The following KIRREL3 variants were observed in gnomAD, a reference collection of about 807,000 sequenced individuals.
KIRREL3 encodes the protein kin of IRRE-like protein 3.
A neutral mutation model predicts 89.7 loss-of-function variants in KIRREL3; 36 were observed. That is an observed-to-expected ratio of 0.40 (90% CI 0.31 to 0.53). The LOEUF is 0.53. Among genes scored for constraint, KIRREL3 ranks in the 20% least tolerant of loss-of-function variants. KIRREL3 has a pLI of 0.49. For missense variants in KIRREL3, 864 were observed against 1,056.6 expected (o/e 0.82, Z 2.53); for synonymous variants, 445 against 441.4 (o/e 1.01, Z -0.10).
rs767674597 is a variant in KIRREL3 at position 126,521,384 on chromosome 11, C to T, written c.364G>A (p.Asp122Asn). The T allele has an allele frequency of 5.1e-6, 8 of 1,563,872 alleles. No homozygotes were observed. Among genetic ancestry groups the T allele is most frequent in the Admixed American group, 1.9e-5 (1 of 52,468 alleles). ...ATGGCCTGGCACTCGTACACCGCAT[C>T]GTCTTGCAGCTCTGCCCTCAGGATC... ...LKILRAELQD[D>N]AVYECQAIQA... Residue 122 changes from aspartate to asparagine, a missense_variant, in exon 4 of 17, where the codon GAT becomes AAT. Coordinates refer to ENST00000525144, the MANE Select transcript of KIRREL3 (RefSeq NM_032531.4). This position sits in a 1 kb window ranked among gnomAD's most constrained non-coding sequence, Gnocchi z 4.1.
At chr11:126,631,127 T>G (rs78333647) in intron 1 of KIRREL3, among the ~76,000 whole-genome samples, 2,454 of 22,702 alleles carry the variant, frequency 0.11, 34 homozygotes, top group East Asian at 0.3. Flanking sequence ...ATGTATGTAT[T>G]CATTCATTCA....
chr11:126,744,331 G>T lies in KIRREL3; in HGVS notation c.56-181419C>A, dbSNP rs1949074042. On this transcript the variant is annotated intron_variant, in intron 1 of 16. Transcript: ENST00000525144. This position sits in a 1 kb window ranked among gnomAD's most constrained non-coding sequence, Gnocchi z 4.7. ...GCAGGGGAGCAGCCTTTTCTGGGAG[G>T]TTCACCCGCAGGAGGTGTGCTGACC... Among the ~76,000 whole-genome samples, 1 of 152,044 alleles carries T rather than the reference G, an allele frequency of 6.6e-6. No homozygotes were observed. Among genetic ancestry groups the T allele is most frequent in the Non-Finnish European group, 1.5e-5 (1 of 68,014 alleles).
intron 1 of KIRREL3, among the ~76,000 whole-genome samples, chr11:126,861,389 ACT>A (rs1944699849): frequency 6.6e-6 from 1 of 151,878 alleles, no homozygotes; most frequent in African/African-American, 2.4e-5. Flanking sequence ...AGACTCAGCT[ACT>A]CTCTTAGAAG....
In KIRREL3 at chr11:126,694,949, T is replaced by A. The variant is rs1947028502; in HGVS notation, c.56-132037A>T. ...TCACTCCTTTGCTTTGATTGGGAGA[T>A]GAGATGCGAGTCTCAATGCCTAGAA... On this transcript the variant is annotated intron_variant, in intron 1 of 16. Coordinates refer to ENST00000525144, the MANE Select transcript of KIRREL3 (RefSeq NM_032531.4). This position sits in a 1 kb window ranked among gnomAD's most constrained non-coding sequence, Gnocchi z 4.4. Among the ~76,000 whole-genome samples the A allele has an allele frequency of 2.0e-5, 3 of 152,188 alleles. No individual in the cohort carries two copies. Among genetic ancestry groups the A allele is most frequent in the Non-Finnish European group, 2.9e-5 (2 of 68,018 alleles).
At position 126,734,338 on chromosome 11, in the gene KIRREL3, CCT is replaced by C. The variant is rs1435290247; in HGVS notation, c.56-171428_56-171427del. Among the ~76,000 whole-genome samples the C allele has an allele frequency of 2.0e-5, 3 of 152,114 alleles. No homozygotes were observed. Among genetic ancestry groups the C allele is most frequent in the African/African-American group, 4.8e-5 (2 of 41,430 alleles). On this transcript the variant is annotated intron_variant, in intron 1 of 16. Transcript: ENST00000525144. The surrounding 1 kb of genome is among the most constrained non-coding windows in gnomAD (Gnocchi z 5.9). ...TTCATGATCTGCTTCAAGATTTCCC[CCT>C]CTGTTTTTTCAGTGATCCATTTGTT...
chr11:126,947,927 G>A (rs1013294439), intron 1 of KIRREL3, among the ~76,000 whole-genome samples: 2 of 152,178 alleles, frequency 1.3e-5, no homozygotes, highest in African/African-American at 4.8e-5. Flanking sequence ...TGCTGGAATG[G>A]GAGGTGAACT....
At chr11:126,660,948 T>TCATCTGGGCC (rs1945373000) in intron 1 of KIRREL3, among the ~76,000 whole-genome samples, 1 of 152,040 alleles carries the variant, frequency 6.6e-6, no homozygotes, top group South Asian at 2.1e-4. Context: ...AATGGGGAGA[T>TCATCTGGGCC]CATCTGAGGC....
In KIRREL3 at chr11:126,571,745, C is replaced by G. The variant is rs1245783194; in HGVS notation, c.56-8833G>C. ...AGATTCTTTGGACTTCCAGTATAAT[C>G]CGTTTGTGAGAGGGGTGGGGCGGGG... On this transcript the variant is annotated intron_variant, in intron 1 of 16. Transcript: ENST00000525144. This position sits in a 1 kb window ranked among gnomAD's most constrained non-coding sequence, Gnocchi z 7.7. 1.3e-5 allele frequency among the ~76,000 whole-genome samples: 2 copies of G among 151,970 alleles called. No homozygotes were observed. Among genetic ancestry groups the G allele is most frequent in the Non-Finnish European group, 2.9e-5 (2 of 67,998 alleles).
At position 126,912,210 on chromosome 11, in the gene KIRREL3, A is replaced by T. The variant is rs1049194273; in HGVS notation, c.55+88245T>A. 4.6e-5 allele frequency among the ~76,000 whole-genome samples: 7 copies of T among 152,080 alleles called. No homozygotes were observed. The highest frequency in any genetic ancestry group is 1.7e-4 in the African/African-American group (7 of 41,418). On this transcript the variant is annotated intron_variant, in intron 1 of 16. Coordinates refer to ENST00000525144, the MANE Select transcript of KIRREL3 (RefSeq NM_032531.4). The surrounding 1 kb of genome is among the most constrained non-coding windows in gnomAD (Gnocchi z 4.7). ...ACAAAGTGGAATGAAAGCACAAGCC[A>T]TCAATAGCATGGTCATCTCCCTGGA...
intron 1 of KIRREL3, among the ~76,000 whole-genome samples, chr11:126,716,755 G>GGT (rs201997584): frequency 0.053 from 7,767 of 146,602 alleles, 344 homozygotes; most frequent in African/African-American, 0.092. Context: ...TGTTGGGGGG[G>GGT]GGGGGAAGTG....
rs1949026521 is a variant in KIRREL3, at chr11:126,742,889, A to G, written c.56-179977T>C. ...AAGATTCTGAAGATGATGGATCTGC[A>G]TTAAGCAAAACCCAATAACCAGGCA... On this transcript the variant is annotated intron_variant, in intron 1 of 16. Coordinates refer to ENST00000525144, the MANE Select transcript of KIRREL3 (RefSeq NM_032531.4). The surrounding 1 kb of genome is among the most constrained non-coding windows in gnomAD (Gnocchi z 5.3). Among the ~76,000 whole-genome samples the G allele has an allele frequency of 6.6e-6, 1 of 152,204 alleles. No individual in the cohort carries two copies. The highest frequency in any genetic ancestry group is 2.4e-5 in the African/African-American group (1 of 41,466).
intron 1 of KIRREL3, among the ~76,000 whole-genome samples, chr11:126,842,096 A>C (rs6590231): frequency 0.85 from 129,067 of 151,986 alleles, 55,004 homozygotes; most frequent in East Asian, 1. Context: ...GAGAGAAGAG[A>C]GCGCTTTCAG....
rs555934640 is a variant in KIRREL3 at position 126,719,157 on chromosome 11, C to T, written c.56-156245G>A. 2.6e-5 allele frequency among the ~76,000 whole-genome samples: 4 copies of T among 152,272 alleles called. No individual in the cohort carries two copies. Among genetic ancestry groups the T allele is most frequent in the South Asian group, 2.1e-4 (1 of 4,822 alleles). ...TAGACAAACGCATTTCCCTTCATTC[C>T]GACACTCGGTAACCCACTTATTCTG... On this transcript the variant is annotated intron_variant, in intron 1 of 16. Coordinates refer to ENST00000525144, the MANE Select transcript of KIRREL3 (RefSeq NM_032531.4). The surrounding 1 kb of genome is among the most constrained non-coding windows in gnomAD (Gnocchi z 4.7).
At chr11:126,482,328 C>T (rs761538825) in intron 4 of KIRREL3, among the ~76,000 whole-genome samples, 2 of 152,190 alleles carry the variant, frequency 1.3e-5, no homozygotes, top group South Asian at 2.1e-4. Context: ...CATGAACCAC[C>T]GTGCCGGGCC....
intron 4 of KIRREL3, among the ~76,000 whole-genome samples, chr11:126,504,651 T>A (rs1435762728): frequency 6.6e-6 from 1 of 152,194 alleles, no homozygotes; most frequent in Non-Finnish European, 1.5e-5. Context: ...ACTTCCCTAC[T>A]CATCCTACAA....
chr11:127,002,031 C>T (rs568145280), upstream of KIRREL3, among the ~76,000 whole-genome samples: 1 of 152,284 alleles, frequency 6.6e-6, no homozygotes, highest in South Asian at 2.1e-4. Context: ...AACTCTTAGC[C>T]TTTCCTCTTT....
rs776356242 is a variant in KIRREL3, at chr11:126,879,288, G to A, written c.55+121167C>T. 3.9e-5 allele frequency among the ~76,000 whole-genome samples: 6 copies of A among 152,202 alleles called. No individual in the cohort carries two copies. Among genetic ancestry groups the A allele is most frequent in the Non-Finnish European group, 4.4e-5 (3 of 68,028 alleles). ...TGTGTTTATTTAGACTAGTGCTGAG[G>A]CTGAGTTAATGCCAGTTTCCAGAAA... On this transcript the variant is annotated intron_variant, in intron 1 of 16. Transcript: ENST00000525144. The surrounding 1 kb of genome is among the most constrained non-coding windows in gnomAD (Gnocchi z 5.4).
At position 126,431,230 on chromosome 11, in the gene KIRREL3, A is replaced by T; in HGVS notation, c.1696+189T>A. 2 of 1,514,720 alleles carry T rather than the reference A, an allele frequency of 1.3e-6. No homozygotes were observed. The highest frequency in any genetic ancestry group is 1.8e-6 in the Non-Finnish European group (2 of 1,125,766). 93.8% of individuals were successfully genotyped at this position (1,514,720 alleles called of 1,614,324 possible). The stretch of plus-strand genomic sequence containing the variant: ...CCAGGTCAACCTCAGCCTAGCGCCC[A>T]CTCTGCCAGGCGCCATGTTGCCCAG... On this transcript the variant is annotated intron_variant, in intron 14 of 16. Coordinates refer to ENST00000525144, the MANE Select transcript of KIRREL3 (RefSeq NM_032531.4). The surrounding 1 kb of genome is among the most constrained non-coding windows in gnomAD (Gnocchi z 7.1).
intron 1 of KIRREL3, among the ~76,000 whole-genome samples, chr11:126,702,861 G>A (rs373467993): frequency 1.3e-5 from 2 of 152,212 alleles, no homozygotes; most frequent in African/African-American, 4.8e-5. Context: ...GTGCCATCCT[G>A]TGCCCAAGTT....
Sources: allele counts gnomAD v4.1 joint callset (sites outside exome capture counted in the v4.1 genomes callset), GRCh38; gene constraint gnomAD v4.1.1; non-coding constraint Gnocchi (gnomAD v3.1); transcripts MANE v1.5; gene names NCBI Gene and HGNC (gene_info 2026-07-23, HGNC 2026-07-21).